Variants in ABCG2 observed in about 807,000 individuals in gnomAD.
The protein encoded by ABCG2 is ATP binding cassette subfamily G member 2 (JR blood group), also known as broad substrate specificity ATP-binding cassette transporter ABCG2.
Under a neutral mutation model 73.5 loss-of-function variants are expected in ABCG2, and 80 were observed. The observed-to-expected ratio is 1.09, with a 90% CI of 0.91 to 1.31. The LOEUF (loss-of-function observed/expected upper bound fraction) is 1.31. ABCG2 is among the 50% of genes most tolerant of loss of function. The probability of loss-of-function intolerance (pLI) is 0.00; values close to 1 mark genes in which losing one functional copy is unlikely to be tolerated. For synonymous variants in ABCG2, 269 were observed against 282.4 expected, an observed-to-expected ratio of 0.95 and a Z score of 0.48; for missense variants, 796 against 786.2, an observed-to-expected ratio of 1.01 and a Z score of -0.15.
rs183992526 is a variant in ABCG2 at position 88,191,065 on chromosome 4, T to C, written c.-20+39929A>G. 5.0e-3 allele frequency among the ~76,000 whole-genome samples: 758 copies of C among 150,748 alleles called. 7 individuals are homozygous for C. The highest frequency in any genetic ancestry group is 0.018 in the African/African-American group (731 of 41,076). On this transcript the variant is annotated intron_variant, in intron 1 of 15. Coordinates refer to the ABCG2 transcript ENST00000515655. ...TCCTGGCTAACACAGTGAAACCCCA[T>C]CTGTACTAAAAATACACACACAAAA...
At chr4:88,145,662 A>T (rs2110064407) in intron 1 of ABCG2, among the ~76,000 whole-genome samples, 1 of 152,276 alleles carries the variant, frequency 6.6e-6, no homozygotes, top group African/African-American at 2.4e-5. Context: ...GGGCCAGGCC[A>T]GGTGCGGTGG....
At chr4:88,193,677 T>C (rs565006678) in intron 1 of ABCG2, among the ~76,000 whole-genome samples, 3 of 152,338 alleles carry the variant, frequency 2.0e-5, no homozygotes, top group Non-Finnish European at 4.4e-5. Context: ...AATACCTTAA[T>C]ATCCTGGAAG....
chr4:88,186,911 T>C (rs1412279110), intron 1 of ABCG2, among the ~76,000 whole-genome samples: 1 of 74,684 alleles, frequency 1.3e-5, no homozygotes, highest in Non-Finnish European at 2.3e-5. Context: ...AGAGCGAGAC[T>C]CCGTCTCAAA....
At chr4:88,172,021 T>G (rs771972178) in intron 1 of ABCG2, among the ~76,000 whole-genome samples, 1 of 151,114 alleles carries the variant, frequency 6.6e-6, no homozygotes, top group African/African-American at 2.4e-5. Flanking sequence ...TAAGGCTGGG[T>G]GCGTTGGCTC....
intron 1 of ABCG2, among the ~76,000 whole-genome samples, chr4:88,149,483 C>A (rs1335534434): frequency 6.6e-6 from 1 of 152,182 alleles, no homozygotes; most frequent in Non-Finnish European, 1.5e-5. Flanking sequence ...GGTTTCAGCT[C>A]CTTCTCCCCT....
chr4:88,132,004 T>C, intron 3 of ABCG2, 87 bp from the exon 4 acceptor site: 2 of 815,022 alleles, frequency 2.5e-6, no homozygotes, highest in East Asian at 2.7e-5. Context: ...ACACATGCTA[T>C]ATATCTCATG....
rs567696643 is a variant in ABCG2 at position 88,164,479 on chromosome 4, C to T, written c.-19-24465G>A. On this transcript the variant is annotated intron_variant, in intron 1 of 15. Transcript: ENST00000515655. Reference sequence around the variant, plus strand: ...CTGCTGTTCTGATAGTGAGTTCTCACGCGCTCTGATGGTTTCATAAGGGGC... The same window carrying T: ...CTGCTGTTCTGATAGTGAGTTCTCATGCGCTCTGATGGTTTCATAAGGGGC... 2.6e-5 allele frequency among the ~76,000 whole-genome samples: 4 copies of T among 152,260 alleles called. 1 individual carries two copies. The highest frequency in any genetic ancestry group is 1.3e-4 in the Admixed American group (2 of 15,288).
chr4:88,219,323 T>C (rs900076727), intron 1 of ABCG2, among the ~76,000 whole-genome samples: 8 of 152,150 alleles, frequency 5.3e-5, no homozygotes, highest in African/African-American at 1.9e-4. Context: ...AAAGCAAAGA[T>C]CTTATGCTCG....
At chr4:88,107,962 T>C (rs558905895) in intron 9 of ABCG2, among the ~76,000 whole-genome samples, 1 of 152,304 alleles carries the variant, frequency 6.6e-6, no homozygotes, top group South Asian at 2.1e-4. Context: ...CCATCTCCTG[T>C]CACTGCTTCC....
chr4:88,218,385 T>C (rs4693937), intron 1 of ABCG2, among the ~76,000 whole-genome samples: 151,765 of 152,370 alleles, frequency 1, 75,585 homozygotes, highest in East Asian at 1. Context: ...GTTCTATCCC[T>C]AGTGACTAAC....
chr4:88,220,822 A>ACTTTCC (rs1729987839), intron 1 of ABCG2, among the ~76,000 whole-genome samples: 1 of 152,046 alleles, frequency 6.6e-6, no homozygotes, highest in Non-Finnish European at 1.5e-5. Flanking sequence ...TTTATAAGGC[A>ACTTTCC]CTTTCCCACC....
At chr4:88,211,713 G>C (rs1180282262) in intron 1 of ABCG2, among the ~76,000 whole-genome samples, 1 of 152,148 alleles carries the variant, frequency 6.6e-6, no homozygotes, top group African/African-American at 2.4e-5. Flanking sequence ...CACTGTGCCC[G>C]GCCGAGAACT....
chr4:88,130,244 C>T (rs907069635), intron 5 of ABCG2, among the ~76,000 whole-genome samples: 2 of 152,088 alleles, frequency 1.3e-5, no homozygotes, highest in Admixed American at 6.6e-5. Context: ...ACCTGAGCTC[C>T]ACCTGTCAGG....
At chr4:88,225,641 A>G (rs1242956257) in intron 1 of ABCG2, among the ~76,000 whole-genome samples, 2 of 152,218 alleles carry the variant, frequency 1.3e-5, no homozygotes, top group Non-Finnish European at 2.9e-5. Flanking sequence ...GCATAAGCTG[A>G]GCATTTTAAT....
chr4:88,218,623 A>G (rs1237389806), intron 1 of ABCG2, among the ~76,000 whole-genome samples: 1 of 152,106 alleles, frequency 6.6e-6, no homozygotes, highest in Non-Finnish European at 1.5e-5. Context: ...TGAGTCCCCA[A>G]AGTCCACTGT....
chr4:88,210,314 A>G (rs901033458), intron 1 of ABCG2, among the ~76,000 whole-genome samples: 2 of 151,916 alleles, frequency 1.3e-5, no homozygotes, highest in Non-Finnish European at 2.9e-5. Flanking sequence ...CTCAGCCTCC[A>G]GTGGCTGGGA....
At chr4:88,124,913 C>T (rs1234716233) in intron 5 of ABCG2, among the ~76,000 whole-genome samples, 5 of 152,150 alleles carry the variant, frequency 3.3e-5, no homozygotes, top group Admixed American at 3.3e-4. Flanking sequence ...GGAAGTAAAA[C>T]ACTCCTCATC....
At chr4:88,102,587 C>A (rs1722501912) in intron 10 of ABCG2, among the ~76,000 whole-genome samples, 3 of 124,858 alleles carry the variant, frequency 2.4e-5, no homozygotes, top group South Asian at 3.0e-4. Flanking sequence ...CAGAGCGAGA[C>A]ACTGTCTCAA....
At chr4:88,210,184 TACACACAC>T (rs36209812) in intron 1 of ABCG2, among the ~76,000 whole-genome samples, 68,629 of 149,440 alleles carry the variant, frequency 0.46, 17,840 homozygotes, top group East Asian at 0.58. Context: ...TAAGTAATCC[TACACACAC>T]ACACACACAC....
Sources: gnomAD v4.1 joint callset for allele counts (sites outside exome capture counted in the v4.1 genomes callset) on GRCh38, gnomAD v4.1.1 for gene constraint, MANE v1.5 for transcripts, NCBI Gene and HGNC (gene_info 2026-07-23, HGNC 2026-07-21) for gene names.